NAV3: variants seen among roughly 807,000 people sequenced by gnomAD.
NAV3 encodes the protein neuron navigator 3.
NAV3 carries 87 observed loss-of-function variants against 244.7 expected under a neutral mutation model. That is an observed-to-expected ratio of 0.36 (90% confidence interval 0.30 to 0.42). The LOEUF (loss-of-function observed/expected upper bound fraction) is 0.42. Ranked by LOEUF, NAV3 falls within the 20% of genes least tolerant of loss-of-function variation. The probability of loss-of-function intolerance (pLI) is 1.00; values close to 1 mark genes in which losing one functional copy is unlikely to be tolerated. For missense variants in NAV3, 2,663 were observed against 2,893.3 expected, an observed-to-expected ratio of 0.92 and a Z score of 1.83; for synonymous variants, 1,126 against 1,042.2, an observed-to-expected ratio of 1.08 and a Z score of -1.55.
intron 1 of NAV3, among the ~76,000 whole-genome samples, chr12:77,895,956 A>T (rs992451294): frequency 8.8e-5 from 1 of 11,418 alleles, no homozygotes; most frequent in Non-Finnish European, 1.6e-4. Context: ...AATTTCCAGT[A>T]AAAAAAAAAA....
chr12:77,690,248 A>C (rs1165797232), intron 2 of NAV3, among the ~76,000 whole-genome samples: 1 of 151,830 alleles, frequency 6.6e-6, no homozygotes, highest in Non-Finnish European at 1.5e-5. Context: ...AATACTGAAG[A>C]AACGAACTGT....
intron 22 of NAV3, among the ~76,000 whole-genome samples, chr12:78,154,632 A>G (rs1234397653): frequency 6.6e-6 from 1 of 151,728 alleles, no homozygotes; most frequent in Non-Finnish European, 1.5e-5. Context: ...TATTACCTTT[A>G]TAGACTTCAC....
intron 2 of NAV3, among the ~76,000 whole-genome samples, chr12:77,711,282 C>T (rs1876101144): frequency 6.6e-6 from 1 of 152,172 alleles, no homozygotes; most frequent in African/African-American, 2.4e-5. Flanking sequence ...CCTAACCCCA[C>T]ATTTGTGGAT....
chr12:77,675,190 C>G (rs1201273744), intron 2 of NAV3, among the ~76,000 whole-genome samples: 1 of 152,188 alleles, frequency 6.6e-6, no homozygotes, highest in African/African-American at 2.4e-5. Context: ...TTAATTCAGT[C>G]TTCTTTGTGA....
At chr12:77,685,800 T>C (rs1874714735) in intron 2 of NAV3, among the ~76,000 whole-genome samples, 1 of 152,214 alleles carries the variant, frequency 6.6e-6, no homozygotes, top group African/African-American at 2.4e-5. Flanking sequence ...GCTTTCAATG[T>C]TGTGCTTACA....
chr12:77,895,721 C>G (rs996657252), intron 1 of NAV3, among the ~76,000 whole-genome samples: 1 of 146,560 alleles, frequency 6.8e-6, no homozygotes, highest in African/African-American at 2.5e-5. Context: ...TCTACTACCA[C>G]ATATATGTAC....
At chr12:78,028,713 A>G (rs535058054) in intron 9 of NAV3, among the ~76,000 whole-genome samples, 1 of 152,336 alleles carries the variant, frequency 6.6e-6, no homozygotes, top group Admixed American at 6.5e-5. Flanking sequence ...TGGTTTTGCA[A>G]ACATTTTGCA....
At chr12:77,759,367 T>C (rs1181428301) in intron 2 of NAV3, among the ~76,000 whole-genome samples, 1 of 152,214 alleles carries the variant, frequency 6.6e-6, no homozygotes, top group Non-Finnish European at 1.5e-5. Context: ...CTTGCCTAAA[T>C]TCACATGGAT....
chr12:77,602,320 A>G (rs1870471463), intron 2 of NAV3, among the ~76,000 whole-genome samples: 1 of 152,066 alleles, frequency 6.6e-6, no homozygotes, highest in East Asian at 1.9e-4. Flanking sequence ...TCTGATGACC[A>G]CACTAACAGA....
chr12:77,790,192 A>G (rs1050674074), intron 2 of NAV3, among the ~76,000 whole-genome samples: 1 of 152,178 alleles, frequency 6.6e-6, no homozygotes, highest in African/African-American at 2.4e-5. Flanking sequence ...AAAAGCAACA[A>G]ATTTATTCAT....
At chr12:77,623,079 T>C (rs1871453830) in intron 2 of NAV3, among the ~76,000 whole-genome samples, 1 of 152,192 alleles carries the variant, frequency 6.6e-6, no homozygotes, top group Non-Finnish European at 1.5e-5. Context: ...CATCAAGTGA[T>C]AGAAGTGAAT....
intron 2 of NAV3, among the ~76,000 whole-genome samples, chr12:77,679,893 A>G (rs1874375161): frequency 6.6e-6 from 1 of 152,198 alleles, no homozygotes; most frequent in Admixed American, 6.5e-5. Flanking sequence ...GAGTATTGTC[A>G]GTGGATCAGT....
At chr12:77,955,274 T>A (rs1891257905) in intron 3 of NAV3, among the ~76,000 whole-genome samples, 1 of 152,178 alleles carries the variant, frequency 6.6e-6, no homozygotes, top group Admixed American at 6.6e-5. Context: ...TTCTCAACCA[T>A]GCCCAGTTCA....
chr12:77,880,181 A>G (rs7136566), intron 1 of NAV3, among the ~76,000 whole-genome samples: 2,108 of 152,192 alleles, frequency 0.014, 26 homozygotes, highest in Non-Finnish European at 0.023. Flanking sequence ...CTGAACCTCC[A>G]TTTTCAAGTA....
chr12:77,607,997 T>G (rs979510353), intron 2 of NAV3, among the ~76,000 whole-genome samples: 6 of 152,116 alleles, frequency 3.9e-5, no homozygotes, highest in African/African-American at 1.4e-4. Flanking sequence ...GTGTAACTTC[T>G]TTTTGCTGAG....
intron 2 of NAV3, among the ~76,000 whole-genome samples, chr12:77,678,761 G>A (rs745395077): frequency 1.3e-5 from 2 of 152,072 alleles, no homozygotes; most frequent in Non-Finnish European, 2.9e-5. Context: ...AAACTCAGGA[G>A]CATTATCTCA....
chr12:77,813,034 G>A (rs991965992), intron 2 of NAV3, among the ~76,000 whole-genome samples: 11 of 152,030 alleles, frequency 7.2e-5, no homozygotes, highest in African/African-American at 2.7e-4. Context: ...TGTTGGCCAG[G>A]CTGGTTTTGA....
intron 8 of NAV3, among the ~76,000 whole-genome samples, chr12:78,013,458 G>A (rs1292940533): frequency 1.3e-5 from 2 of 152,070 alleles, no homozygotes; most frequent in African/African-American, 4.8e-5. Context: ...CAGAGATGAG[G>A]GGGACAGGGA....
At chr12:77,710,603 A>G (rs1276706381) in intron 2 of NAV3, among the ~76,000 whole-genome samples, 1 of 152,224 alleles carries the variant, frequency 6.6e-6, no homozygotes, top group African/African-American at 2.4e-5. Flanking sequence ...GAAATATAAT[A>G]TATGGCATAA....
Sources: gnomAD v4.1 joint callset for allele counts (sites outside exome capture counted in the v4.1 genomes callset) on GRCh38, gnomAD v4.1.1 for gene constraint, MANE v1.5 for transcripts, NCBI Gene and HGNC (gene_info 2026-07-23, HGNC 2026-07-21) for gene names.